Variants in UBP1 observed in about 807,000 individuals in gnomAD.
UBP1 encodes the protein upstream-binding protein 1.
In UBP1, 22 loss-of-function variants were observed where a neutral mutation model predicts 76.1. The observed-to-expected ratio is 0.29, with a 90% confidence interval of 0.21 to 0.41. The LOEUF (loss-of-function observed/expected upper bound fraction) is 0.41. UBP1 is among the 10% of genes least tolerant of loss of function. The pLI is 1.00. For synonymous variants in UBP1, 224 were observed against 237.1 expected (o/e 0.94, Z 0.51); for missense variants, 436 against 668.1 (o/e 0.65, Z 3.83).
Position 33,407,490 on chromosome 3 carries a change from C to T in UBP1, c.927+1200G>A, listed in dbSNP as rs115257060. Among the ~76,000 whole-genome samples, 979 of 146,956 alleles carry T rather than the reference C, an allele frequency of 6.7e-3. 3 individuals carry two copies. The highest frequency in any genetic ancestry group is 8.8e-3 in the Non-Finnish European group (587 of 67,044). On this transcript the variant is annotated intron_variant, in intron 8 of 15. Coordinates refer to ENST00000283629, the MANE Select transcript of UBP1 (RefSeq NM_014517.5). ...GAGGATAAAAACAAAATTGCTGGGG[C>T]GGGTGTTTTAGGAAAGAATATACAG...
intron 1 of UBP1, among the ~76,000 whole-genome samples, chr3:33,434,006 G>A (rs975362905): frequency 2.6e-5 from 4 of 152,050 alleles, no homozygotes; most frequent in Non-Finnish European, 5.9e-5. Flanking sequence ...GGTATTTCCA[G>A]CCAAAGCAAA....
intron 15 of UBP1, 67 bp from the exon 16 acceptor site, chr3:33,390,435 A>G (rs982820615): frequency 1.3e-6 from 2 of 1,557,362 alleles, no homozygotes; most frequent in Non-Finnish European, 1.8e-6. Flanking sequence ...TAAATGGAAA[A>G]CTCCCTGCCA....
intron 13 of UBP1, 42 bp from the exon 14 acceptor site, chr3:33,393,496 T>C: frequency 6.4e-7 from 1 of 1,572,722 alleles, no homozygotes; most frequent in Non-Finnish European, 8.6e-7. Flanking sequence ...TTAACAGTAA[T>C]CTTTGATCTG....
intron 8 of UBP1, chr3:33,403,806 C>T (rs983966181): frequency 2.6e-5 from 4 of 152,206 alleles, no homozygotes; most frequent in Non-Finnish European, 5.9e-5. Flanking sequence ...GAGATACAGA[C>T]ATCACATGGT....
At chr3:33,404,327 G>A (rs564063419) in intron 8 of UBP1, among the ~76,000 whole-genome samples, 18 of 152,106 alleles carry the variant, frequency 1.2e-4, no homozygotes, top group African/African-American at 4.8e-5. Flanking sequence ...CAGGAGAATC[G>A]CTTGAACCTG....
At chr3:33,407,087 T>C (rs1331683576) in intron 8 of UBP1, among the ~76,000 whole-genome samples, 1 of 152,226 alleles carries the variant, frequency 6.6e-6, no homozygotes, top group East Asian at 1.9e-4. Flanking sequence ...AACTTTCCTT[T>C]TTAAGTGACA....
At chr3:33,412,484 A>G (rs1382100129) in intron 4 of UBP1, among the ~76,000 whole-genome samples, 3 of 151,260 alleles carry the variant, frequency 2.0e-5, no homozygotes, top group Non-Finnish European at 4.4e-5. Context: ...TTGGGAGGCT[A>G]AGGCAGGAAA....
chr3:33,392,971 T>A (rs1001213759), intron 14 of UBP1: 3 of 311,742 alleles, frequency 9.6e-6, no homozygotes, highest in Non-Finnish European at 1.7e-5. Context: ...CATGTTTTTT[T>A]AAATTAGTCA....
intron 1 of UBP1, among the ~76,000 whole-genome samples, chr3:33,437,334 G>T (rs986373908): frequency 6.6e-6 from 1 of 152,112 alleles, no homozygotes; most frequent in East Asian, 1.9e-4. Flanking sequence ...TGCAATCATA[G>T]CACACACTAC....
chr3:33,420,280 C>G (rs1401614342), intron 2 of UBP1, among the ~76,000 whole-genome samples: 1 of 152,146 alleles, frequency 6.6e-6, no homozygotes, highest in Non-Finnish European at 1.5e-5. Context: ...AATTCTTAAT[C>G]CAATAAACAT....
intron 11 of UBP1, chr3:33,398,455 A>T (rs969216024): frequency 6.6e-6 from 1 of 152,204 alleles, no homozygotes; most frequent in African/African-American, 2.4e-5. Flanking sequence ...AGTACTGTGT[A>T]TGTGTGTGCA....
chr3:33,397,381 T>G, intron 11 of UBP1: 1 of 342,116 alleles, frequency 2.9e-6, no homozygotes, highest in Non-Finnish European at 5.2e-6. Context: ...ATCAAATCAA[T>G]GAGAGCAGGG....
chr3:33,406,605 A>C (rs1356259446), intron 8 of UBP1, among the ~76,000 whole-genome samples: 1 of 152,246 alleles, frequency 6.6e-6, no homozygotes, highest in African/African-American at 2.4e-5. Flanking sequence ...AGAAACACCA[A>C]GTTTACCAAA....
chr3:33,433,271 G>A (rs970583642), intron 1 of UBP1, among the ~76,000 whole-genome samples: 1 of 148,404 alleles, frequency 6.7e-6, no homozygotes, highest in African/African-American at 2.5e-5. Flanking sequence ...AGGCTGGCCA[G>A]GCTGGTCACG....
rs2043690757 is a variant in UBP1, at chr3:33,389,903, C to T, written c.*428G>A. The T allele has an allele frequency of 6.0e-6, 1 of 165,818 alleles. No homozygotes were observed. The highest frequency in any genetic ancestry group is 2.4e-5 in the African/African-American group (1 of 41,916). The allele number at this position is 165,818 out of a possible 1,614,324, so 10.3% of individuals were successfully genotyped here. A position where few individuals can be genotyped will look rare whatever the true frequency, so the allele number is the denominator to read the frequency against. On this transcript the variant is annotated 3_prime_UTR_variant, in exon 16 of 16. Transcript: ENST00000283629. ...CTGGCCCCACAACAGCACTGTCCCC[C>T]ATCTCCTCTCCAGGTCAGCATAAGG...
upstream of UBP1, chr3:33,440,918 C>T (rs770295397): frequency 6.6e-6 from 1 of 152,220 alleles, no homozygotes; most frequent in African/African-American, 2.4e-5. Flanking sequence ...GCGGTTTGCA[C>T]CCCATCTGGT....
At chr3:33,425,108 T>TA (rs1426726480) in intron 2 of UBP1, among the ~76,000 whole-genome samples, 4 of 151,970 alleles carry the variant, frequency 2.6e-5, no homozygotes, top group Non-Finnish European at 5.9e-5. Context: ...AACCCTTTCA[T>TA]ATCACTGAAA....
chr3:33,411,853 A>G (rs527404217), intron 4 of UBP1, among the ~76,000 whole-genome samples, 166 bp from the exon 5 acceptor site: 20 of 152,164 alleles, frequency 1.3e-4, no homozygotes, highest in East Asian at 3.9e-4. Context: ...CCCTAAACGA[A>G]TATCATCGTT....
rs759719349 is a variant in UBP1, at chr3:33,409,578, A to G, written c.579T>C (p.Phe193=). The G allele has an allele frequency of 2.5e-5, 40 of 1,614,112 alleles. No homozygotes were observed. The South Asian group carries it at 4.0e-4, about 16-fold the overall frequency. ...FIQVHCISTE[F]TPRKHGGEKG... is the part of the protein sequence containing the mutation. Reference sequence around the variant, plus strand: ...TTTCACCTCCGTGCTTCCGTGGAGTAAATTCTGTGCTGATGCAGTGTACCT... The same window carrying G: ...TTTCACCTCCGTGCTTCCGTGGAGTGAATTCTGTGCTGATGCAGTGTACCT... Residue 193 remains phenylalanine (F), a synonymous_variant, in exon 6 of 16, where the codon TTT becomes TTC. Coordinates refer to ENST00000283629, the MANE Select transcript of UBP1 (RefSeq NM_014517.5).
Sources: allele counts gnomAD v4.1 joint callset (sites outside exome capture counted in the v4.1 genomes callset), GRCh38; gene constraint gnomAD v4.1.1; transcripts MANE v1.5; gene names NCBI Gene and HGNC (gene_info 2026-07-23, HGNC 2026-07-21).